Variants in SETD3 observed in about 807,000 individuals in gnomAD.
SETD3 encodes the protein actin-histidine N-methyltransferase.
SETD3 carries 19 observed loss-of-function variants against 63.0 expected under a neutral mutation model. The ratio of observed to expected loss-of-function variants is 0.30; its 90% CI spans 0.21 to 0.44. The LOEUF (loss-of-function observed/expected upper bound fraction) is 0.44, where lower values mean the gene tolerates loss of function less well. SETD3 is among the 20% of genes least tolerant of loss of function. The pLI is 1.00. For synonymous variants in SETD3, 286 were observed against 264.1 expected, an observed-to-expected ratio of 1.08 and a Z score of -0.80; for missense variants, 587 against 728.5, an observed-to-expected ratio of 0.81 and a Z score of 2.24.
At chr14:99,415,383 C>A (rs1410588738) in intron 6 of SETD3, among the ~76,000 whole-genome samples, 2 of 152,132 alleles carry the variant, frequency 1.3e-5, no homozygotes, top group African/African-American at 4.8e-5. Flanking sequence ...AACTGGAATG[C>A]TAAATCTCAA....
intron 6 of SETD3, among the ~76,000 whole-genome samples, chr14:99,425,577 A>G (rs1243411836): frequency 6.6e-6 from 1 of 152,260 alleles, no homozygotes; most frequent in East Asian, 1.9e-4. Flanking sequence ...AGTTTCTGCC[A>G]TAATCGCTTT....
chr14:99,406,376 A>T (rs1159533093), intron 9 of SETD3, 140 bp downstream of exon 9: 2 of 731,418 alleles, frequency 2.7e-6, no homozygotes, highest in African/African-American at 3.5e-5. Flanking sequence ...TGGTCTCAAG[A>T]TGTGTTCCAG....
chr14:99,476,912 G>A (rs1331417504), intron 1 of SETD3, among the ~76,000 whole-genome samples: 2 of 152,136 alleles, frequency 1.3e-5, no homozygotes, highest in African/African-American at 2.4e-5. Context: ...AAAAAGTTCC[G>A]TGTAGACACT....
chr14:99,442,292 G>A (rs560999051), intron 6 of SETD3, among the ~76,000 whole-genome samples: 63 of 152,314 alleles, frequency 4.1e-4, no homozygotes, highest in Admixed American at 3.6e-3. Context: ...GTTGTTTGCT[G>A]TTTTGGCTAC....
At chr14:99,457,484 G>C (rs937011730) in intron 6 of SETD3, among the ~76,000 whole-genome samples, 14 of 151,952 alleles carry the variant, frequency 9.2e-5, no homozygotes, top group African/African-American at 3.4e-4. Context: ...GACCATTTAA[G>C]GAACAACCAA....
chr14:99,463,292 C>T (rs1410824266), intron 3 of SETD3, among the ~76,000 whole-genome samples, 194 bp downstream of exon 3: 4 of 152,192 alleles, frequency 2.6e-5, no homozygotes, highest in Non-Finnish European at 5.9e-5. Flanking sequence ...TCACCCTTTC[C>T]GAAGCAGGTA....
rs1595147936 is a variant in SETD3 at position 99,406,679 on chromosome 14, A to T, written c.850-89T>A. 3 of 1,310,096 alleles carry T rather than the reference A, an allele frequency of 2.3e-6. No homozygotes were observed. In the East Asian group the frequency reaches 7.1e-5, roughly 31 times the overall value. 81.2% of individuals were successfully genotyped at this position (1,310,096 alleles called of 1,614,324 possible). A position where few individuals can be genotyped will look rare whatever the true frequency, so the allele number is the denominator to read the frequency against. The stretch of plus-strand genomic sequence containing the variant: ...CAAGCTTGTTTCTGGCAATCAGAGG[A>T]AAAAGGGGATCCCAAGGTACTCAAA... On this transcript the variant is annotated intron_variant, in intron 8 of 12. Coordinates refer to ENST00000331768, the MANE Select transcript of SETD3 (RefSeq NM_032233.3).
rs1356341793 is a variant in SETD3, at chr14:99,398,105, T to C, written c.*574A>G. ...TATTTTTATATAATTAGGATTATCA[T>C]CATTTCAAACTATTAAAAATAAGGT... On this transcript the variant is annotated 3_prime_UTR_variant, in exon 13 of 13. Transcript: ENST00000331768. 6.6e-6 allele frequency: 1 copy of C among 152,620 alleles called. No homozygotes were observed. The highest frequency in any genetic ancestry group is 2.1e-4 in the South Asian group (1 of 4,836). 9.5% of individuals were successfully genotyped at this position (152,620 alleles called of 1,614,324 possible).
At chr14:99,448,359 CT>C (rs1426773916) in intron 6 of SETD3, among the ~76,000 whole-genome samples, 1 of 152,308 alleles carries the variant, frequency 6.6e-6, no homozygotes, top group East Asian at 1.9e-4. Flanking sequence ...CTCAGCACAG[CT>C]TCAGCCCCCT....
At chr14:99,403,453 A>ACT (rs1188702914) in intron 11 of SETD3, among the ~76,000 whole-genome samples, 89 of 106,176 alleles carry the variant, frequency 8.4e-4, no homozygotes, top group South Asian at 4.7e-3. Flanking sequence ...ACACACACAC[A>ACT]CACTCTCTCT....
chr14:99,470,335 T>C (rs1179610812), intron 1 of SETD3, among the ~76,000 whole-genome samples: 2 of 152,250 alleles, frequency 1.3e-5, no homozygotes, highest in Admixed American at 6.5e-5. Flanking sequence ...TTGGCTTATA[T>C]TGGGATTCTG....
At chr14:99,399,297 C>T (rs973490937) in intron 12 of SETD3, among the ~76,000 whole-genome samples, 172 bp from the exon 13 acceptor site, 2 of 152,148 alleles carry the variant, frequency 1.3e-5, no homozygotes, top group Non-Finnish European at 2.9e-5. Context: ...TCAAAACGTA[C>T]GCTTCAGAAG....
intron 1 of SETD3, among the ~76,000 whole-genome samples, chr14:99,474,217 T>C (rs1379198639): frequency 1.3e-5 from 2 of 152,036 alleles, no homozygotes; most frequent in Non-Finnish European, 1.5e-5. Context: ...CCCAGCTACT[T>C]AGGAGGCTGA....
At chr14:99,401,326 C>A (rs1342726860) in intron 11 of SETD3, among the ~76,000 whole-genome samples, 1 of 152,164 alleles carries the variant, frequency 6.6e-6, no homozygotes, top group Non-Finnish European at 1.5e-5. Context: ...ATCTCCAAAA[C>A]CAAAACAAGC....
At chr14:99,479,217 G>T (rs1053297791) in intron 1 of SETD3, among the ~76,000 whole-genome samples, 1 of 152,184 alleles carries the variant, frequency 6.6e-6, no homozygotes, top group Non-Finnish European at 1.5e-5. Context: ...GGTAGCAGAA[G>T]GCTAAAATCC....
rs757430526 is a variant in SETD3 at position 99,413,937 on chromosome 14, G to A, written c.676-3C>T. ...AGTTTGTTGGCATGAGGATGGGTCTGGGAATTAGAAGTTTTAGAAAGCAGA... is the reference window on the plus strand; with the variant it reads ...AGTTTGTTGGCATGAGGATGGGTCTAGGAATTAGAAGTTTTAGAAAGCAGA... On this transcript the variant is annotated splice_region_variant and splice_polypyrimidine_tract_variant and intron_variant, in intron 6 of 12. Coordinates refer to ENST00000331768, the MANE Select transcript of SETD3 (RefSeq NM_032233.3). 3 of 1,613,736 alleles carry A rather than the reference G, an allele frequency of 1.9e-6. No homozygotes were observed. Among genetic ancestry groups the A allele is most frequent in the South Asian group, 2.2e-5 (2 of 91,066 alleles).
intron 6 of SETD3, among the ~76,000 whole-genome samples, chr14:99,455,448 A>T (rs2139764149): frequency 6.6e-6 from 1 of 152,356 alleles, no homozygotes; most frequent in Non-Finnish European, 1.5e-5. Flanking sequence ...AGTATCTCTA[A>T]ACCTGGTCTT....
chr14:99,433,941 T>C (rs1893325456), intron 6 of SETD3, among the ~76,000 whole-genome samples: 1 of 152,196 alleles, frequency 6.6e-6, no homozygotes, highest in Non-Finnish European at 1.5e-5. Context: ...CTAGGATGCT[T>C]GTGGATAGCT....
intron 8 of SETD3, chr14:99,409,977 A>G: frequency 2.4e-6 from 1 of 418,280 alleles, no homozygotes; most frequent in Non-Finnish European, 4.3e-6. Flanking sequence ...TTCTAATGGG[A>G]GGCGGGGGGG....
Sources: allele counts gnomAD v4.1 joint callset (sites outside exome capture counted in the v4.1 genomes callset), GRCh38; gene constraint gnomAD v4.1.1; transcripts MANE v1.5; gene names NCBI Gene and HGNC (gene_info 2026-07-23, HGNC 2026-07-21).